The following ELMO1 variants were observed in gnomAD, a reference collection of about 807,000 sequenced individuals.
ELMO1 encodes engulfment and cell motility protein 1.
ELMO1 carries 26 observed loss-of-function variants against 98.9 expected under a neutral mutation model. The observed-to-expected ratio is 0.26, with a 90% CI of 0.19 to 0.36. ELMO1 has a LOEUF of 0.36. ELMO1 is among the 10% of genes least tolerant of loss of function. The pLI, the probability that ELMO1 is intolerant of heterozygous loss-of-function variation, is 1.00. For missense variants in ELMO1, 627 were observed against 935.2 expected (o/e 0.67, Z 4.30); for synonymous variants, 346 against 346.0 (o/e 1.00, Z 0.00).
At chr7:36,901,886 GT>G (rs1783587468) in intron 16 of ELMO1, among the ~76,000 whole-genome samples, 1 of 152,198 alleles carries the variant, frequency 6.6e-6, no homozygotes, top group Non-Finnish European at 1.5e-5. Flanking sequence ...ATGCAGGGTG[GT>G]TCAAGATTAT....
intron 13 of ELMO1, among the ~76,000 whole-genome samples, chr7:37,164,946 A>G (rs925941518): frequency 9.2e-5 from 14 of 151,908 alleles, no homozygotes; most frequent in South Asian, 4.2e-4. Flanking sequence ...CCATTTTCAC[A>G]ATATTGATTC....
At chr7:36,952,322 A>G (rs1346695547) in intron 16 of ELMO1, among the ~76,000 whole-genome samples, 1 of 152,224 alleles carries the variant, frequency 6.6e-6, no homozygotes, top group East Asian at 1.9e-4. Context: ...CCCAGGGGCC[A>G]AACACAGCAC....
At chr7:37,199,495 T>C (rs960925197) in intron 13 of ELMO1, among the ~76,000 whole-genome samples, 5 of 152,204 alleles carry the variant, frequency 3.3e-5, no homozygotes, top group Non-Finnish European at 7.3e-5. Flanking sequence ...CAATTATTCA[T>C]GCATCCCCTT....
intron 4 of ELMO1, among the ~76,000 whole-genome samples, chr7:37,313,747 C>T (rs943534049): frequency 6.6e-6 from 1 of 152,080 alleles, no homozygotes; most frequent in South Asian, 2.1e-4. Flanking sequence ...CTTGTTACTG[C>T]CTCCACCTTC....
intron 13 of ELMO1, among the ~76,000 whole-genome samples, chr7:37,210,240 C>A (rs1792877522): frequency 6.6e-6 from 1 of 152,050 alleles, no homozygotes; most frequent in African/African-American, 2.4e-5. Context: ...GGTGTGCATA[C>A]ATTCTGGGCT....
intron 16 of ELMO1, among the ~76,000 whole-genome samples, chr7:36,945,586 T>C (rs1787407730): frequency 6.6e-6 from 1 of 152,242 alleles, no homozygotes; most frequent in Admixed American, 6.5e-5. Flanking sequence ...AGAATGCCTC[T>C]GTTTTTCCAA....
At chr7:37,439,017 G>A (rs957126801) in intron 1 of ELMO1, among the ~76,000 whole-genome samples, 2 of 152,204 alleles carry the variant, frequency 1.3e-5, no homozygotes, top group Admixed American at 6.5e-5. Flanking sequence ...GCTGGAAGGC[G>A]GGGGCTGGAC....
Position 36,943,417 on chromosome 7 carries a change from T to C in ELMO1, c.1438-48400A>G, listed in dbSNP as rs952897118. Among the ~76,000 whole-genome samples the C allele has an allele frequency of 2.0e-5, 3 of 152,216 alleles. No individual in the cohort carries two copies. The East Asian group carries it at 5.8e-4, about 29-fold the overall frequency. On this transcript the variant is annotated intron_variant, in intron 16 of 21. Coordinates refer to ENST00000310758, the MANE Select transcript of ELMO1 (RefSeq NM_014800.11). ...CATCCTAACAAAAGGGCCACTGGCC[T>C]CTCCTTGTCTCTGTGCTCTCTGTTG...
At chr7:37,272,829 A>G (rs565263289) in intron 4 of ELMO1, among the ~76,000 whole-genome samples, 3 of 152,368 alleles carry the variant, frequency 2.0e-5, no homozygotes, top group East Asian at 3.9e-4. Context: ...GCAAATAAAT[A>G]GAATCAGCCA....
chr7:37,068,622 T>C (rs1320178727), intron 15 of ELMO1, among the ~76,000 whole-genome samples: 2 of 152,156 alleles, frequency 1.3e-5, no homozygotes, highest in African/African-American at 4.8e-5. Flanking sequence ...GAAATTAACA[T>C]GCAATGTCTC....
chr7:36,902,029 C>T (rs986667245), intron 16 of ELMO1, among the ~76,000 whole-genome samples: 12 of 152,300 alleles, frequency 7.9e-5, no homozygotes, highest in Non-Finnish European at 1.6e-4. Context: ...CTCTTTTCTG[C>T]CTCACCTCTC....
intron 9 of ELMO1, 75 bp downstream of exon 9, chr7:37,224,804 A>C: frequency 6.4e-7 from 1 of 1,562,886 alleles, no homozygotes; most frequent in Non-Finnish European, 8.7e-7. Flanking sequence ...TAACAACATA[A>C]AACGTTTCCC....
chr7:37,286,868 A>C (rs77139180), intron 4 of ELMO1, among the ~76,000 whole-genome samples: 5,125 of 152,286 alleles, frequency 0.034, 282 homozygotes, highest in African/African-American at 0.12. Context: ...ATAAGCTTGC[A>C]AAGAAACCAA....
intron 4 of ELMO1, among the ~76,000 whole-genome samples, chr7:37,305,445 A>AGT (rs147003634): frequency 0.46 from 56,361 of 122,652 alleles, 10,718 homozygotes; most frequent in East Asian, 0.6. Context: ...CAGTACAGAT[A>AGT]GTGTGTGTGT....
At chr7:37,159,574 C>T (rs564141351) in intron 13 of ELMO1, among the ~76,000 whole-genome samples, 2 of 152,228 alleles carry the variant, frequency 1.3e-5, no homozygotes, top group South Asian at 4.1e-4. Context: ...GTGGTGTGCA[C>T]CTATAGTCCC....
chr7:37,313,964 T>A (rs1018664271), intron 4 of ELMO1, among the ~76,000 whole-genome samples: 1 of 152,212 alleles, frequency 6.6e-6, no homozygotes, highest in African/African-American at 2.4e-5. Flanking sequence ...GCCCCCAAGA[T>A]TATCAGTTTA....
intron 4 of ELMO1, among the ~76,000 whole-genome samples, chr7:37,304,126 T>C (rs1024564291): frequency 5.3e-5 from 8 of 152,140 alleles, no homozygotes; most frequent in African/African-American, 1.9e-4. Flanking sequence ...ATAGCTCCCA[T>C]CCAGTTCCCA....
chr7:36,876,732 G>T (rs11982556), intron 19 of ELMO1, among the ~76,000 whole-genome samples: 1,633 of 152,262 alleles, frequency 0.011, 11 homozygotes, highest in Middle Eastern at 0.048. Flanking sequence ...ACTGTGAAAG[G>T]AGGATCCTCA....
rs1792677725 is a variant in ELMO1 at position 37,001,635 on chromosome 7, G to A, written c.1437+11664C>T. Reference sequence around the variant, plus strand: ...ATAAAAGGGAGATGGTAACTATCTTGCTAAGGTGGCACTTGTGCAAAATCC... The same window carrying A: ...ATAAAAGGGAGATGGTAACTATCTTACTAAGGTGGCACTTGTGCAAAATCC... On this transcript the variant is annotated intron_variant, in intron 16 of 21. Transcript: ENST00000310758. Among the ~76,000 whole-genome samples, 3 of 152,168 alleles carry A rather than the reference G, an allele frequency of 2.0e-5. No homozygotes were observed. The South Asian group carries it at 6.2e-4, about 32-fold the overall frequency.
Sources: allele counts gnomAD v4.1 joint callset (sites outside exome capture counted in the v4.1 genomes callset), GRCh38; gene constraint gnomAD v4.1.1; transcripts MANE v1.5; gene names NCBI Gene and HGNC (gene_info 2026-07-23, HGNC 2026-07-21).